The following CEP78 variants were observed in gnomAD, a reference collection of about 807,000 sequenced individuals.
CEP78 encodes centrosomal protein 78.
Under a neutral mutation model 81.2 loss-of-function variants are expected in CEP78, and 76 were observed. The observed-to-expected ratio is 0.94, with a 90% confidence interval of 0.78 to 1.13. CEP78 has a LOEUF of 1.13. Ranked by LOEUF, CEP78 falls within the 50% of genes most tolerant of loss-of-function variation. The pLI is 0.00. For missense variants in CEP78, 918 were observed against 846.8 expected (o/e 1.08, Z -1.04); for synonymous variants, 293 against 301.4 (o/e 0.97, Z 0.29).
At chr9:78,263,967 G>A (rs879519460) in intron 12 of CEP78, 183 bp from the exon 13 acceptor site, 13 of 379,084 alleles carry the variant, frequency 3.4e-5, no homozygotes, top group Middle Eastern at 6.9e-4. Context: ...TATTTATGTA[G>A]GAGGTTTTGT....
At chr9:78,253,333 A>C in intron 10 of CEP78, 56 bp downstream of exon 10, 2 of 812,116 alleles carry the variant, frequency 2.5e-6, no homozygotes, top group Non-Finnish European at 4.3e-6. Context: ...AGGGTGGAAG[A>C]TCATTCTCTG....
chr9:78,257,880 G>C lies in CEP78; in HGVS notation c.1380+2916G>C, dbSNP rs112301331. Among the ~76,000 whole-genome samples the C allele has an allele frequency of 5.3e-3, 806 of 152,338 alleles. 1 individual carries two copies. The highest frequency in any genetic ancestry group is 0.017 in the Middle Eastern group (5 of 294). ...AAGACAAGGGTTGTAAACTGGAACA[G>C]TCCAGGGCAACTTAAGATAGGCGGT... is the stretch of plus-strand genomic sequence containing the variant. On this transcript the variant is annotated intron_variant, in intron 11 of 16. Transcript: ENST00000643273.
intron 1 of CEP78, among the ~76,000 whole-genome samples, chr9:78,239,712 A>G (rs1826129144): frequency 6.6e-6 from 1 of 152,154 alleles, no homozygotes; most frequent in Admixed American, 6.5e-5. Context: ...TGTCAGGCTT[A>G]GATGCCTTTG....
At chr9:78,255,011 C>A in intron 11 of CEP78, 47 bp downstream of exon 11, 3 of 1,543,360 alleles carry the variant, frequency 1.9e-6, no homozygotes, top group Non-Finnish European at 2.6e-6. Context: ...ATTTCAAACT[C>A]TAGTTAGTTT....
At position 78,240,208 on chromosome 9, in the gene CEP78, T is replaced by G; in HGVS notation, c.426+13T>G. 3 of 1,610,668 alleles carry G rather than the reference T, an allele frequency of 1.9e-6. No homozygotes were observed. In the East Asian group the frequency reaches 6.7e-5, roughly 36 times the overall value. ...TATTCTAGCAAAGGTAAGCTTTGTC[T>G]CATTTGGCTTGTAGACATTTGATAG... On this transcript the variant is annotated intron_variant, in intron 2 of 16. Transcript: ENST00000643273.
chr9:78,253,124 A>C (rs1826842130), intron 9 of CEP78, 108 bp from the exon 10 acceptor site: 3 of 653,940 alleles, frequency 4.6e-6, no homozygotes. Flanking sequence ...ATCTCTATGC[A>C]CAGTTATGTA....
Position 78,246,756 on chromosome 9 carries a change from T to C in CEP78, c.866T>C (p.Leu289Pro), listed in dbSNP as rs200279297. ...ALETNTTLVV[L>P]DIRKNPLIDH... ...GAAACCAATACAACTCTGGTCGTTC[T>C]GGATATAAGAAAAAATCCACTCATT... The change falls in exon 6 of 17, where the codon CTG becomes CCG. Residue 289 changes from leucine (L) to proline (P), a missense_variant. Coordinates refer to ENST00000643273, the MANE Select transcript of CEP78 (RefSeq NM_001330691.3). The C allele has an allele frequency of 1.2e-6, 2 of 1,601,502 alleles. No homozygotes were observed.
At chr9:78,247,782 GT>G (rs1826565009) in intron 6 of CEP78, among the ~76,000 whole-genome samples, 2 of 152,210 alleles carry the variant, frequency 1.3e-5, no homozygotes, top group African/African-American at 4.8e-5. Context: ...GTGGTAAAAA[GT>G]GGTTGAAACA....
chr9:78,252,115 TATG>T, intron 9 of CEP78, 72 bp downstream of exon 9: 1 of 1,326,208 alleles, frequency 7.5e-7, no homozygotes. Context: ...GAGCTTCTAT[TATG>T]TGAGAGTTCT....
chr9:78,254,853 G>T lies in CEP78; in HGVS notation c.1269G>T (p.Val423=). The T allele has an allele frequency of 1.2e-6, 2 of 1,610,428 alleles. No homozygotes were observed. The highest frequency in any genetic ancestry group is 2.2e-5 in the South Asian group (2 of 90,664). Residue 423 remains valine, a synonymous_variant, in exon 11 of 17, where the codon GTG becomes GTT. Coordinates refer to ENST00000643273, the MANE Select transcript of CEP78 (RefSeq NM_001330691.3). The stretch of plus-strand genomic sequence containing the variant: ...TTTTTAAGCAACCAGGTTTTCCTGT[G>T]ACTGTGACAGTAGAGAGTCCTTCAT... The part of the protein sequence containing the change: ...CNQLQQPGFP[V]TVTVESPSSS...
chr9:78,249,645 TTTC>T (rs1464944641), intron 8 of CEP78: 1 of 152,092 alleles, frequency 6.6e-6, no homozygotes, highest in Non-Finnish European at 1.5e-5. Context: ...CTACTGATAT[TTTC>T]TTTTTTTTTT....
At position 78,243,531 on chromosome 9, in the gene CEP78, T is replaced by A; in HGVS notation, c.673T>A (p.Cys225Ser). The part of the protein sequence containing the change: ...SLRYRRPDLD[C>S]MAGLRRITLN... ...TCGCTATAGGAGACCTGATCTTGACTGTATGGCTGGCTTAAGACGTATCAC... is the reference window on the plus strand; with the variant it reads ...TCGCTATAGGAGACCTGATCTTGACAGTATGGCTGGCTTAAGACGTATCAC... Residue 225 changes from cysteine (C) to serine (S), a missense_variant, in exon 5 of 17, where the codon TGT becomes AGT. Transcript: ENST00000643273. 6.2e-7 allele frequency: 1 copy of A among 1,613,930 alleles called. No homozygotes were observed. Among genetic ancestry groups the A allele is most frequent in the Non-Finnish European group, 8.5e-7 (1 of 1,179,840 alleles).
At position 78,276,321 on chromosome 9, in the gene CEP78, C is replaced by A. The variant is rs887511252; in HGVS notation, c.*5470C>A. 6.6e-6 allele frequency: 1 copy of A among 151,884 alleles called. No individual in the cohort carries two copies. Among genetic ancestry groups the A allele is most frequent in the Non-Finnish European group, 1.5e-5 (1 of 67,950 alleles). The allele number at this position is 151,884 out of a possible 1,614,324, so 9.4% of individuals were successfully genotyped here. A position where few individuals can be genotyped will look rare whatever the true frequency, so the allele number is the denominator to read the frequency against. Reference sequence around the variant, plus strand: ...GATAAATTCAACATCCTCTGGTATTCTTAACAATCTCGAAATAGAAGGAAA... The same window carrying A: ...GATAAATTCAACATCCTCTGGTATTATTAACAATCTCGAAATAGAAGGAAA... On this transcript the variant is annotated 3_prime_UTR_variant, in exon 17 of 17. Transcript: ENST00000643273.
intron 9 of CEP78, among the ~76,000 whole-genome samples, chr9:78,252,589 G>A (rs1481227229): frequency 6.6e-6 from 1 of 152,096 alleles, no homozygotes; most frequent in Non-Finnish European, 1.5e-5. Flanking sequence ...ATAATTTTAT[G>A]CTTAATAAAT....
chr9:78,272,385 A>ACTACTTCAG lies in CEP78; in HGVS notation c.*1537_*1545dup. On this transcript the variant is annotated 3_prime_UTR_variant, in exon 17 of 17. Transcript: ENST00000643273. Reference sequence around the variant, plus strand: ...AGATATTGATAAAGATATGAGACAAACTACTTCAGCTTTGTGACCTGCAAA... The same window carrying ACTACTTCAG: ...AGATATTGATAAAGATATGAGACAAACTACTTCAGCTACTTCAGCTTTGTGACCTGCAAA... 6.6e-6 allele frequency: 1 copy of ACTACTTCAG among 152,330 alleles called. No homozygotes were observed. The highest frequency in any genetic ancestry group is 2.4e-5 in the African/African-American group (1 of 41,578). The allele number at this position is 152,330 out of a possible 1,614,324, so 9.4% of individuals were successfully genotyped here.
Position 78,275,712 on chromosome 9 carries a change from CTGAGACCAGCAGTT to C in CEP78, c.*4872_*4885del. On this transcript the variant is annotated 3_prime_UTR_variant, in exon 17 of 17. Coordinates refer to ENST00000643273, the MANE Select transcript of CEP78 (RefSeq NM_001330691.3). Reference sequence around the variant, plus strand: ...TTGGGACACCAAAGTGGGAACATTGCTGAGACCAGCAGTTTGAGACCAGCCTGGGCAAGACCTCA... The same window carrying C: ...TTGGGACACCAAAGTGGGAACATTGCTGAGACCAGCCTGGGCAAGACCTCA... The C allele has an allele frequency of 6.6e-6, 1 of 152,032 alleles. No individual in the cohort carries two copies. The highest frequency in any genetic ancestry group is 3.4e-3 in the Middle Eastern group (1 of 296). The allele number at this position is 152,032 out of a possible 1,614,324, so 9.4% of individuals were successfully genotyped here. A position where few individuals can be genotyped will look rare whatever the true frequency, so the allele number is the denominator to read the frequency against.
intron 5 of CEP78, among the ~76,000 whole-genome samples, chr9:78,244,839 G>C (rs1309934201): frequency 6.6e-6 from 1 of 152,072 alleles, no homozygotes; most frequent in Non-Finnish European, 1.5e-5. Context: ...GATACGTGTT[G>C]TTGCCCGTGT....
chr9:78,242,248 G>C (rs1203163592), intron 4 of CEP78, among the ~76,000 whole-genome samples: 1 of 151,974 alleles, frequency 6.6e-6, no homozygotes, highest in African/African-American at 2.4e-5. Flanking sequence ...ATGCCCATTT[G>C]TTTACATATT....
intron 9 of CEP78, 111 bp from the exon 10 acceptor site, chr9:78,253,121 T>A: frequency 1.5e-6 from 1 of 647,090 alleles, no homozygotes; most frequent in Admixed American, 2.3e-5. Flanking sequence ...TTTATCTCTA[T>A]GCACAGTTAT....
Sources: gnomAD v4.1 joint callset for allele counts (sites outside exome capture counted in the v4.1 genomes callset) on GRCh38, gnomAD v4.1.1 for gene constraint, MANE v1.5 for transcripts, NCBI Gene and HGNC (gene_info 2026-07-23, HGNC 2026-07-21) for gene names.